The following DUSP22 variants were observed in gnomAD, a reference collection of about 807,000 sequenced individuals.
DUSP22 encodes the protein dual specificity phosphatase 22, also known as dual specificity protein phosphatase 22.
In DUSP22, 24 loss-of-function variants were observed where a neutral mutation model predicts 24.5. That is an observed-to-expected ratio of 0.98 (90% confidence interval 0.71 to 1.38). The LOEUF is 1.38. Among genes scored for constraint, DUSP22 ranks in the 40% most tolerant of loss-of-function variants. DUSP22 has a pLI of 0.00. For missense variants in DUSP22, 330 were observed against 269.2 expected, an observed-to-expected ratio of 1.23 and a Z score of -1.58; for synonymous variants, 160 against 106.4, an observed-to-expected ratio of 1.50 and a Z score of -3.10.
Position 296,777 on chromosome 6 carries a change from C to A in DUSP22, c.21+4217C>A, listed in dbSNP as rs1172777819. On this transcript the variant is annotated intron_variant, in intron 1 of 6. Coordinates refer to ENST00000419235, the MANE Select transcript of DUSP22 (RefSeq NM_001286555.3). ...ATGTGCAAGAAGTCTTTATCTTGATCAGCCTAAAAGTGGGCTGAAGCCTTG... is the reference window on the plus strand; with the variant it reads ...ATGTGCAAGAAGTCTTTATCTTGATAAGCCTAAAAGTGGGCTGAAGCCTTG... Among the ~76,000 whole-genome samples the A allele has an allele frequency of 3.3e-5, 5 of 152,420 alleles. No homozygotes were observed. The South Asian group carries it at 8.3e-4, about 25-fold the overall frequency.
intron 3 of DUSP22, among the ~76,000 whole-genome samples, chr6:324,933 G>T (rs1356601418): frequency 6.6e-6 from 1 of 152,306 alleles, no homozygotes; most frequent in African/African-American, 2.4e-5. Flanking sequence ...GCAGCGCTTC[G>T]TGCCTCCCTA....
intron 2 of DUSP22, among the ~76,000 whole-genome samples, chr6:307,102 T>G (rs867662444): frequency 6.6e-6 from 1 of 152,312 alleles, no homozygotes; most frequent in Non-Finnish European, 1.5e-5. Flanking sequence ...GCCTCTTTCT[T>G]TTTTCCTGGG....
intron 3 of DUSP22, among the ~76,000 whole-genome samples, chr6:318,200 C>T (rs1471472062): frequency 6.6e-6 from 1 of 152,306 alleles, no homozygotes; most frequent in African/African-American, 2.4e-5. Flanking sequence ...TAGAGAGCTA[C>T]CTTTGCTTGT....
chr6:341,867 G>A (rs1373426601), intron 4 of DUSP22, among the ~76,000 whole-genome samples: 2 of 152,312 alleles, frequency 1.3e-5, no homozygotes, highest in Non-Finnish European at 2.9e-5. Flanking sequence ...GGCTCTCTGG[G>A]CACGGATGGG....
intron 3 of DUSP22, among the ~76,000 whole-genome samples, chr6:319,014 T>C (rs1317756246): frequency 1.3e-5 from 2 of 152,304 alleles, no homozygotes; most frequent in African/African-American, 2.4e-5. Context: ...TACATTTATA[T>C]GCATGATAAT....
chr6:330,400 G>A (rs1205967496), intron 3 of DUSP22, among the ~76,000 whole-genome samples: 6 of 152,306 alleles, frequency 3.9e-5, no homozygotes, highest in Admixed American at 3.3e-4. Context: ...GTGCAAAGCA[G>A]AATGTCAGCT....
chr6:348,951 A>T lies in DUSP22; in HGVS notation c.618A>T (p.Ter206TyrextTer34). ...LTYDNYTTET[*>Y] ...ACGATAATTATACGACGGAGACCTA[A>T]CGCAAGCGACCTGCTGCCTTCCTTC... Residue 206 changes from the stop codon to tyrosine, a stop_lost, in exon 7 of 7, where the codon TAA (stop) becomes TAT (tyrosine). Transcript: ENST00000419235. 6.3e-7 allele frequency: 1 copy of T among 1,584,144 alleles called. No individual in the cohort carries two copies. The highest frequency in any genetic ancestry group is 8.6e-7 in the Non-Finnish European group (1 of 1,164,378).
At chr6:343,991 C>T (rs1046835323) in intron 4 of DUSP22, among the ~76,000 whole-genome samples, 4 of 152,308 alleles carry the variant, frequency 2.6e-5, no homozygotes, top group Non-Finnish European at 2.9e-5. Flanking sequence ...AGGTAGAAGA[C>T]GTTGGAGAGG....
chr6:331,321 G>C (rs574499019), intron 3 of DUSP22, among the ~76,000 whole-genome samples: 244 of 152,334 alleles, frequency 1.6e-3, no homozygotes, highest in African/African-American at 5.6e-3. Context: ...TCAAATATTA[G>C]AGGTAGTATG....
In DUSP22 at chr6:349,553, CA is replaced by C. The variant is rs1389941384; in HGVS notation, c.*603del. On this transcript the variant is annotated 3_prime_UTR_variant, in exon 7 of 7. Transcript: ENST00000419235. ...TAAGAGCATGGCCTCTCCCAGAACCCACCCAGGGTGGTGTGGTGGGGGCAAC... is the reference window on the plus strand; with the variant it reads ...TAAGAGCATGGCCTCTCCCAGAACCCCCCAGGGTGGTGTGGTGGGGGCAAC... 5 of 989,266 alleles carry C rather than the reference CA, an allele frequency of 5.1e-6. No individual in the cohort carries two copies. In the East Asian group the frequency reaches 5.6e-4, roughly 111 times the overall value. The allele number at this position is 989,266 out of a possible 1,614,324, so 61.3% of individuals were successfully genotyped here.
chr6:335,398 T>C (rs918903124), intron 4 of DUSP22, among the ~76,000 whole-genome samples: 14 of 152,306 alleles, frequency 9.2e-5, no homozygotes, highest in African/African-American at 3.4e-4. Flanking sequence ...ACTCATGGGC[T>C]GTCCACAAGA....
chr6:325,539 G>T, intron 3 of DUSP22: 1 of 176,100 alleles, frequency 5.7e-6, no homozygotes, highest in Non-Finnish European at 1.1e-5. Flanking sequence ...GTCCTGGTGT[G>T]TGCAATGCTG....
chr6:306,323 A>G (rs1177432325), intron 2 of DUSP22, among the ~76,000 whole-genome samples: 1 of 152,308 alleles, frequency 6.6e-6, no homozygotes, highest in Non-Finnish European at 1.5e-5. Flanking sequence ...AGTATGTGAG[A>G]GTTTTAGCCT....
At chr6:315,129 A>C (rs868819741) in intron 3 of DUSP22, among the ~76,000 whole-genome samples, 1 of 152,294 alleles carries the variant, frequency 6.6e-6, no homozygotes, top group Non-Finnish European at 1.5e-5. Context: ...AAAAAGGCCT[A>C]TGTCTCCAAT....
intron 3 of DUSP22, among the ~76,000 whole-genome samples, 169 bp from the exon 4 acceptor site, chr6:334,945 C>T (rs1227273880): frequency 2.0e-5 from 3 of 152,304 alleles, no homozygotes; most frequent in African/African-American, 4.8e-5. Flanking sequence ...GGAAAATAAC[C>T]AGGAACTTTA....
chr6:293,856 T>C (rs1757205813), intron 1 of DUSP22, among the ~76,000 whole-genome samples: 1 of 151,916 alleles, frequency 6.6e-6, no homozygotes, highest in South Asian at 2.1e-4. Flanking sequence ...TGTCTCTCTC[T>C]TGGATAAATA....
chr6:322,386 T>A (rs1038661513), intron 3 of DUSP22, among the ~76,000 whole-genome samples: 2 of 152,298 alleles, frequency 1.3e-5, no homozygotes, highest in Non-Finnish European at 2.9e-5. Flanking sequence ...CTCTTCTGAG[T>A]GCAGTCCTTG....
At chr6:321,471 G>A (rs1433512631) in intron 3 of DUSP22, among the ~76,000 whole-genome samples, 1 of 152,306 alleles carries the variant, frequency 6.6e-6, no homozygotes, top group Non-Finnish European at 1.5e-5. Flanking sequence ...GAAAGCTCTT[G>A]AAGTAATCCT....
intron 3 of DUSP22, among the ~76,000 whole-genome samples, chr6:328,898 C>T (rs1056864087): frequency 7.2e-5 from 11 of 152,304 alleles, no homozygotes; most frequent in East Asian, 5.8e-4. Flanking sequence ...CATAGGCATA[C>T]GTAAGTTTTT....
Sources: gnomAD v4.1 joint callset for allele counts (sites outside exome capture counted in the v4.1 genomes callset) on GRCh38, gnomAD v4.1.1 for gene constraint, MANE v1.5 for transcripts, NCBI Gene and HGNC (gene_info 2026-07-23, HGNC 2026-07-21) for gene names.